The following TBC1D32 variants were observed in gnomAD, a reference collection of about 807,000 sequenced individuals.
The protein encoded by TBC1D32 is protein broad-minded.
A neutral mutation model predicts 170.3 loss-of-function variants in TBC1D32; 151 were observed. The observed-to-expected ratio is 0.89, with a 90% CI of 0.78 to 1.01. The LOEUF is 1.01. TBC1D32 is among the 50% of genes least tolerant of loss of function. TBC1D32 has a pLI of 0.00. For missense variants in TBC1D32, 1,464 were observed against 1,457.1 expected, an observed-to-expected ratio of 1.00 and a Z score of -0.08; for synonymous variants, 498 against 488.0, an observed-to-expected ratio of 1.02 and a Z score of -0.27.
At chr6:121,136,448 T>C (rs1205623811) in intron 24 of TBC1D32, among the ~76,000 whole-genome samples, 2 of 152,146 alleles carry the variant, frequency 1.3e-5, no homozygotes, top group African/African-American at 4.8e-5. Flanking sequence ...TTTCTGATTG[T>C]CACAACTGAG....
At chr6:121,314,203 C>T (rs1006554358) in intron 3 of TBC1D32, among the ~76,000 whole-genome samples, 2 of 152,186 alleles carry the variant, frequency 1.3e-5, no homozygotes, top group African/African-American at 4.8e-5. Flanking sequence ...ACAGCAATCA[C>T]ATCACTACAA....
intron 30 of TBC1D32, among the ~76,000 whole-genome samples, chr6:121,103,428 T>C (rs1053982753): frequency 1.1e-4 from 17 of 151,888 alleles, no homozygotes; most frequent in Non-Finnish European, 1.8e-4. Flanking sequence ...GTTCATGTCC[T>C]TTGTAGGGAC....
chr6:121,239,119 G>T lies in TBC1D32; in HGVS notation c.2315C>A (p.Thr772Asn). 6.2e-7 allele frequency: 1 copy of T among 1,605,436 alleles called. No homozygotes were observed. The highest frequency in any genetic ancestry group is 1.1e-5 in the South Asian group (1 of 89,898). ...LEYGRDDVRV[T>N]HPRTTPVDPI... ...ATCCACTGGAGTAGTTCTGGGATGG[G>T]TTACCCTAACATCATCTCTTCCATA... The change falls in exon 20 of 32, where the codon ACC (threonine) becomes AAC (asparagine). Residue 772 changes from threonine (T) to asparagine (N), a missense_variant. Around this residue, in one of 3 missense-constraint regions of TBC1D32, gnomAD observed 1,363 missense variants for 1,338.1 expected, o/e 1.02. Coordinates refer to ENST00000398212, the MANE Select transcript of TBC1D32 (RefSeq NM_152730.6).
At chr6:121,330,568 C>G (rs1156701976) in intron 1 of TBC1D32, among the ~76,000 whole-genome samples, 2 of 152,158 alleles carry the variant, frequency 1.3e-5, no homozygotes, top group African/African-American at 4.8e-5. Context: ...ACAAAACACT[C>G]TATTTCTCAC....
intron 17 of TBC1D32, among the ~76,000 whole-genome samples, chr6:121,248,730 T>C (rs1293740573): frequency 2.0e-5 from 3 of 151,448 alleles, no homozygotes; most frequent in African/African-American, 7.3e-5. Flanking sequence ...TGTGGAAATA[T>C]ACAACCATCC....
chr6:121,284,156 C>T (rs1803447560), intron 12 of TBC1D32, among the ~76,000 whole-genome samples: 1 of 151,964 alleles, frequency 6.6e-6, no homozygotes, highest in Admixed American at 6.6e-5. Flanking sequence ...TATTTCGAAC[C>T]AATCACTTAA....
chr6:121,153,174 G>A (rs931164077), intron 24 of TBC1D32, among the ~76,000 whole-genome samples: 7 of 152,110 alleles, frequency 4.6e-5, no homozygotes, highest in Admixed American at 3.3e-4. Flanking sequence ...GTGACCTTGG[G>A]ATGGAGTTTT....
intron 1 of TBC1D32, among the ~76,000 whole-genome samples, chr6:121,333,588 A>G (rs1811477541): frequency 6.6e-6 from 1 of 152,158 alleles, no homozygotes; most frequent in African/African-American, 2.4e-5. Context: ...ATCAGCAGAT[A>G]TTTTCAAGGA....
intron 21 of TBC1D32, among the ~76,000 whole-genome samples, chr6:121,205,603 T>C (rs1792147790): frequency 6.6e-6 from 1 of 152,208 alleles, no homozygotes; most frequent in African/African-American, 2.4e-5. Context: ...AACTAGTAAC[T>C]AGATTTTCTC....
intron 4 of TBC1D32, among the ~76,000 whole-genome samples, chr6:121,308,686 C>CTTTTTTTTTTTTTTTTTTTTTTT (rs67847088): frequency 1.8e-5 from 2 of 112,572 alleles, no homozygotes; most frequent in African/African-American, 7.7e-5. Context: ...AAGCTTACTT[C>CTTTTTTTTTTTTTTTTTTTTTTT]TTTTTTTTTT....
At chr6:121,257,672 T>TA (rs1397384595) in intron 15 of TBC1D32, among the ~76,000 whole-genome samples, 1 of 152,200 alleles carries the variant, frequency 6.6e-6, no homozygotes, top group Non-Finnish European at 1.5e-5. Context: ...AGGTAACCGA[T>TA]AAAGTGTATT....
At chr6:121,151,600 G>T (rs1218520542) in intron 24 of TBC1D32, among the ~76,000 whole-genome samples, 1 of 152,134 alleles carries the variant, frequency 6.6e-6, no homozygotes, top group East Asian at 1.9e-4. Context: ...TGACAGTAGG[G>T]TGCTAAAGTC....
intron 22 of TBC1D32, among the ~76,000 whole-genome samples, chr6:121,162,261 C>T (rs1785806055): frequency 6.6e-6 from 1 of 152,176 alleles, no homozygotes; most frequent in Admixed American, 6.5e-5. Context: ...CTCATGAAAT[C>T]TTTGCCCATG....
chr6:121,109,851 T>A (rs1483612037), intron 29 of TBC1D32, among the ~76,000 whole-genome samples: 1 of 152,156 alleles, frequency 6.6e-6, no homozygotes, highest in African/African-American at 2.4e-5. Flanking sequence ...TATTTTTTTT[T>A]AAACCTTTTT....
intron 22 of TBC1D32, among the ~76,000 whole-genome samples, chr6:121,180,707 G>T (rs1788388940): frequency 6.6e-6 from 1 of 152,064 alleles, no homozygotes; most frequent in African/African-American, 2.4e-5. Context: ...AAAAGCAAAG[G>T]CGACAATGCA....
At chr6:121,253,466 C>A (rs984238102) in intron 17 of TBC1D32, among the ~76,000 whole-genome samples, 3 of 152,172 alleles carry the variant, frequency 2.0e-5, no homozygotes, top group Non-Finnish European at 4.4e-5. Context: ...CGCCTGTAAT[C>A]CCCGCACTTT....
chr6:121,226,230 GTATA>G, intron 20 of TBC1D32, among the ~76,000 whole-genome samples: 1 of 152,242 alleles, frequency 6.6e-6, no homozygotes, highest in South Asian at 2.1e-4. Flanking sequence ...AGGACTCATA[GTATA>G]GTGCAGGACA....
chr6:121,183,149 C>T (rs1788754813), intron 22 of TBC1D32, among the ~76,000 whole-genome samples: 1 of 151,986 alleles, frequency 6.6e-6, no homozygotes, highest in African/African-American at 2.4e-5. Context: ...CACACAAAAA[C>T]AGTCTTACAG....
chr6:121,150,448 T>C lies in TBC1D32; in HGVS notation c.2773+9562A>G, dbSNP rs570294931. Reference sequence around the variant, plus strand: ...TTTTTACGTCGATGTTCATCAAGGATATTGGCCTGAAATTTTATTTTTGTT... The same window carrying C: ...TTTTTACGTCGATGTTCATCAAGGACATTGGCCTGAAATTTTATTTTTGTT... On this transcript the variant is annotated intron_variant, in intron 24 of 31. Transcript: ENST00000398212. Among the ~76,000 whole-genome samples, 258 of 152,350 alleles carry C rather than the reference T, an allele frequency of 1.7e-3. 9 individuals are homozygous for C. The South Asian group carries it at 0.051, about 30-fold the overall frequency.
Sources: gnomAD v4.1 joint callset for allele counts (sites outside exome capture counted in the v4.1 genomes callset) on GRCh38, gnomAD v4.1.1 for gene constraint, gnomAD v4.1.1 regional missense constraint, MANE v1.5 for transcripts, NCBI Gene and HGNC (gene_info 2026-07-23, HGNC 2026-07-21) for gene names.